CFAP206: variants seen among roughly 807,000 people sequenced by gnomAD.
The protein encoded by CFAP206 is cilia and flagella associated protein 206.
Under a neutral mutation model 65.4 loss-of-function variants are expected in CFAP206, and 53 were observed. The observed-to-expected ratio is 0.81, with a 90% CI of 0.65 to 1.02. The LOEUF is 1.02. Among genes scored for constraint, CFAP206 ranks in the 50% least tolerant of loss-of-function variants. CFAP206 has a pLI of 0.00. For synonymous variants in CFAP206, 250 were observed against 254.4 expected (o/e 0.98, Z 0.17); for missense variants, 663 against 753.2 (o/e 0.88, Z 1.40).
chr6:87,423,437 A>G (rs1356666943), intron 7 of CFAP206, among the ~76,000 whole-genome samples: 2 of 150,272 alleles, frequency 1.3e-5, no homozygotes, highest in Admixed American at 6.7e-5. Context: ...CTTAGTAGAG[A>G]TGGGGTTTCA....
intron 11 of CFAP206, among the ~76,000 whole-genome samples, chr6:87,445,331 A>G (rs1768424877): frequency 6.6e-6 from 1 of 151,942 alleles, no homozygotes; most frequent in Non-Finnish European, 1.5e-5. Flanking sequence ...CCCAGCATGC[A>G]TTAGCTATTT....
intron 4 of CFAP206, 36 bp from the exon 5 acceptor site, chr6:87,415,650 T>C: frequency 6.4e-7 from 1 of 1,571,352 alleles, no homozygotes; most frequent in Non-Finnish European, 8.7e-7. Flanking sequence ...ATTCTAAAAA[T>C]TAAATATATA....
At chr6:87,409,812 A>T (rs751553291) in intron 1 of CFAP206, 23 bp from the exon 2 acceptor site, 79 of 1,449,448 alleles carry the variant, frequency 5.5e-5, no homozygotes, top group Middle Eastern at 1.7e-4. Flanking sequence ...GGTTTTTTTA[A>T]AAAAAATTGT....
chr6:87,427,045 A>T (rs1406802701), intron 8 of CFAP206, among the ~76,000 whole-genome samples: 1 of 152,162 alleles, frequency 6.6e-6, no homozygotes, highest in Non-Finnish European at 1.5e-5. Context: ...ACTTACATTG[A>T]GTTTCTGATT....
chr6:87,413,896 T>C lies in CFAP206; in HGVS notation c.279T>C (p.Asn93=). 2 of 1,521,208 alleles carry C rather than the reference T, an allele frequency of 1.3e-6. No homozygotes were observed. The highest frequency in any genetic ancestry group is 1.8e-6 in the Non-Finnish European group (2 of 1,138,452). 94.2% of individuals were successfully genotyped at this position (1,521,208 alleles called of 1,614,324 possible). A position where few individuals can be genotyped will look rare whatever the true frequency, so the allele number is the denominator to read the frequency against. ...MQVYFDMNYT[N]RVEFLEEHHR... ...TCTACTTCGATATGAATTATACGAA[T>C]CGAGGTAATGTATACTACCTATTTT... Residue 93 remains asparagine, a synonymous_variant, in exon 4 of 13, where the codon AAT becomes AAC. Transcript: ENST00000369562.
At chr6:87,430,216 A>G (rs1410560037) in intron 9 of CFAP206, among the ~76,000 whole-genome samples, 1 of 152,204 alleles carries the variant, frequency 6.6e-6, no homozygotes, top group Admixed American at 6.5e-5. Context: ...ATTTTCTCTA[A>G]ATTATGCATT....
At chr6:87,425,566 TTGA>T (rs1000346120) in intron 7 of CFAP206, among the ~76,000 whole-genome samples, 9 of 152,210 alleles carry the variant, frequency 5.9e-5, no homozygotes. Context: ...TGTGTGATCA[TTGA>T]AACCCAAGAA....
chr6:87,457,619 A>G lies in CFAP206; in HGVS notation c.1495-3403A>G, dbSNP rs529998705. ...CTGGGAAAACTGGATATCCATGTGC[A>G]GAAGAATGAAACTAGACCCTATCTC... On this transcript the variant is annotated intron_variant, in intron 11 of 12. Coordinates refer to ENST00000369562, the MANE Select transcript of CFAP206 (RefSeq NM_001031743.3). Among the ~76,000 whole-genome samples the G allele has an allele frequency of 1.1e-4, 16 of 152,380 alleles. No individual in the cohort carries two copies. The East Asian group carries it at 2.1e-3, about 20-fold the overall frequency.
rs114109577 is a variant in CFAP206, at chr6:87,444,387, G to A, written c.1494+9334G>A. ...CCTTCACCAAGGGCATTATTTATCAGAAGGGCATTACGCTTGACCTACAAA... is the reference window on the plus strand; with the variant it reads ...CCTTCACCAAGGGCATTATTTATCAAAAGGGCATTACGCTTGACCTACAAA... On this transcript the variant is annotated intron_variant, in intron 11 of 12. Transcript: ENST00000369562. 3.6e-3 allele frequency: 794 copies of A among 219,782 alleles called. 1 individual carries two copies. The highest frequency in any genetic ancestry group is 0.017 in the African/African-American group (748 of 43,466). 13.6% of individuals were successfully genotyped at this position (219,782 alleles called of 1,614,324 possible).
At chr6:87,460,169 C>A (rs1375278653) in intron 11 of CFAP206, among the ~76,000 whole-genome samples, 1 of 152,136 alleles carries the variant, frequency 6.6e-6, no homozygotes, top group Admixed American at 6.5e-5. Context: ...GTACCTTAAA[C>A]CTCTACCACT....
chr6:87,423,920 T>G (rs578050624), intron 7 of CFAP206, among the ~76,000 whole-genome samples: 2 of 152,368 alleles, frequency 1.3e-5, no homozygotes, highest in African/African-American at 4.8e-5. Flanking sequence ...ACTCATGAAG[T>G]AATTATTTTT....
intron 11 of CFAP206, among the ~76,000 whole-genome samples, chr6:87,448,852 TG>T (rs763959605): frequency 3.1e-4 from 47 of 152,308 alleles, no homozygotes; most frequent in Non-Finnish European, 5.0e-4. Flanking sequence ...TTCTTTTTTA[TG>T]GTTGAATGAT....
At chr6:87,436,460 C>G (rs1768270027) in intron 11 of CFAP206, among the ~76,000 whole-genome samples, 1 of 152,010 alleles carries the variant, frequency 6.6e-6, no homozygotes, top group Admixed American at 6.6e-5. Flanking sequence ...CAGCAGAGAT[C>G]CAAGCAGTAA....
In CFAP206 at chr6:87,450,475, ATGTGTGTG is replaced by A. The variant is rs55870560; in HGVS notation, c.1495-10515_1495-10508del. On this transcript the variant is annotated intron_variant, in intron 11 of 12. Transcript: ENST00000369562. ...ATATATTTCCTTTGAATAAATGAAAATGTGTGTGTGTGTGTGTGTGTGTGTGTGTGTGT... is the reference window on the plus strand; with the variant it reads ...ATATATTTCCTTTGAATAAATGAAAATGTGTGTGTGTGTGTGTGTGTGTGT... 2.9e-3 allele frequency among the ~76,000 whole-genome samples: 375 copies of A among 130,396 alleles called. 4 individuals carry two copies. The highest frequency in any genetic ancestry group is 9.4e-3 in the African/African-American group (321 of 34,136). The allele number at this position is 130,396 out of a possible 152,430, so 85.5% of individuals were successfully genotyped here. A position where few individuals can be genotyped will look rare whatever the true frequency, so the allele number is the denominator to read the frequency against.
chr6:87,417,799 A>G (rs1420557215), intron 6 of CFAP206, among the ~76,000 whole-genome samples: 4 of 136,342 alleles, frequency 2.9e-5, no homozygotes, highest in Non-Finnish European at 4.6e-5. Context: ...CTTGTCGCCC[A>G]GATTGGAGTG....
intron 11 of CFAP206, among the ~76,000 whole-genome samples, chr6:87,460,409 T>C (rs1176267693): frequency 2.0e-5 from 3 of 152,228 alleles, no homozygotes; most frequent in African/African-American, 7.2e-5. Context: ...AATAAAGCTA[T>C]TTTCAATTTC....
In CFAP206 at chr6:87,458,900, TG is replaced by T. The variant is rs371006396; in HGVS notation, c.1495-2121del. Among the ~76,000 whole-genome samples, 746 of 152,208 alleles carry T rather than the reference TG, an allele frequency of 4.9e-3. 1 individual carries two copies. Among genetic ancestry groups the T allele is most frequent in the African/African-American group, 0.017 (708 of 41,550 alleles). ...ATGTGATTATTACACATTGTATGCC[TG>T]TATCAAAATCTCTCATGTAACCTGA... On this transcript the variant is annotated intron_variant, in intron 11 of 12. Transcript: ENST00000369562.
intron 11 of CFAP206, chr6:87,436,054 A>C (rs1478332274): frequency 2.0e-5 from 3 of 150,028 alleles, no homozygotes; most frequent in African/African-American, 7.3e-5. Flanking sequence ...AAACATTTTG[A>C]AATACATGGT....
chr6:87,438,332 A>G (rs1768308394), intron 11 of CFAP206, among the ~76,000 whole-genome samples: 1 of 151,940 alleles, frequency 6.6e-6, no homozygotes, highest in Non-Finnish European at 1.5e-5. Flanking sequence ...GTCTTGGCAC[A>G]TGCCTGTATT....
Sources: allele counts gnomAD v4.1 joint callset (sites outside exome capture counted in the v4.1 genomes callset), GRCh38; gene constraint gnomAD v4.1.1; transcripts MANE v1.5; gene names NCBI Gene and HGNC (gene_info 2026-07-23, HGNC 2026-07-21).